Variants in CRYBG1 observed in about 807,000 individuals in gnomAD.
CRYBG1 encodes the protein beta/gamma crystallin domain-containing protein 1.
In CRYBG1, 139 loss-of-function variants were observed where a neutral mutation model predicts 189.2. The observed-to-expected ratio is 0.73, with a 90% CI of 0.64 to 0.85. The LOEUF is 0.85. Ranked by LOEUF, CRYBG1 falls within the 40% of genes least tolerant of loss-of-function variation. The pLI is 0.00. For missense variants in CRYBG1, 2,611 were observed against 2,675.8 expected (o/e 0.98, Z 0.53); for synonymous variants, 1,023 against 1,017.1 (o/e 1.01, Z -0.11).
At chr6:106,524,599 A>G (rs1236235079) in intron 4 of CRYBG1, among the ~76,000 whole-genome samples, 1 of 152,192 alleles carries the variant, frequency 6.6e-6, no homozygotes, top group South Asian at 2.1e-4. Flanking sequence ...ACTATGTGCA[A>G]TGTACATTAT....
chr6:106,402,966 C>T (rs1420484097), intron 1 of CRYBG1, among the ~76,000 whole-genome samples: 1 of 152,146 alleles, frequency 6.6e-6, no homozygotes, highest in African/African-American at 2.4e-5. Flanking sequence ...CTGTTTTGTT[C>T]TCAGGACCGT....
chr6:106,477,369 G>A (rs963900721), intron 2 of CRYBG1, among the ~76,000 whole-genome samples: 10 of 152,290 alleles, frequency 6.6e-5, no homozygotes, highest in Admixed American at 2.6e-4. Context: ...TGGTTCTTAC[G>A]TTTGCTTTGT....
chr6:106,526,666 A>ATTCTGTTGAGAGTAATTTGTTTTTAAAT (rs1773743929), intron 6 of CRYBG1, among the ~76,000 whole-genome samples: 1 of 152,108 alleles, frequency 6.6e-6, no homozygotes, highest in Non-Finnish European at 1.5e-5. Flanking sequence ...AAAAGGCCAG[A>ATTCTGTTGAGAGTAATTTGTTTTTAAAT]CATGGTGGCT....
chr6:106,517,429 T>C (rs1294524850), intron 3 of CRYBG1, among the ~76,000 whole-genome samples: 11 of 108,128 alleles, frequency 1.0e-4, no homozygotes, highest in Non-Finnish European at 1.5e-4. Flanking sequence ...CACATATATA[T>C]ACACACACAC....
Position 106,511,852 on chromosome 6 carries a change from C to T in CRYBG1, c.735C>T (p.Phe245=). 6.6e-7 allele frequency: 1 copy of T among 1,515,134 alleles called. No individual in the cohort carries two copies. The allele number at this position is 1,515,134 out of a possible 1,614,324, so 93.9% of individuals were successfully genotyped here. A position where few individuals can be genotyped will look rare whatever the true frequency, so the allele number is the denominator to read the frequency against. ...LEPLEAEGEP[F]PDATTTAKQL... ...CTCTGGAGGCAGAGGGAGAGCCTTT[C>T]CCAGATGCCACCACCACTGCCAAGC... The change falls in exon 3 of 22, where the codon TTC becomes TTT. Residue 245 remains phenylalanine (F), a synonymous_variant. Coordinates refer to ENST00000633556, the MANE Select transcript of CRYBG1 (RefSeq NM_001371242.2).
intron 20 of CRYBG1, among the ~76,000 whole-genome samples, chr6:106,563,169 G>C (rs1774775393): frequency 6.6e-6 from 1 of 152,208 alleles, no homozygotes; most frequent in Admixed American, 6.5e-5. Context: ...TCACTTCAGG[G>C]AAGGGCTCAT....
intron 21 of CRYBG1, among the ~76,000 whole-genome samples, chr6:106,566,493 ACGGAGTCTC>A (rs1774892971): frequency 1.7e-5 from 1 of 57,290 alleles, no homozygotes; most frequent in Non-Finnish European, 2.9e-5. Flanking sequence ...TTTTTTTGAG[ACGGAGTCTC>A]ACTCTGTCGT....
chr6:106,401,697 G>A (rs1379586176), intron 1 of CRYBG1, among the ~76,000 whole-genome samples: 2 of 116,402 alleles, frequency 1.7e-5, no homozygotes, highest in African/African-American at 3.4e-5. Context: ...GAGAATGATG[G>A]TTTCCAATTT....
At position 106,555,761 on chromosome 6, in the gene CRYBG1, A is replaced by G. The variant is rs1774523387; in HGVS notation, c.5586-7A>G. ...TCTGTGCATGTGTGTGGTTTTTCCC[A>G]TTGTAGCTGGGTTGTATATGATGGA... On this transcript the variant is annotated splice_region_variant and splice_polypyrimidine_tract_variant and intron_variant, in intron 16 of 21. Transcript: ENST00000633556. 1.2e-6 allele frequency: 2 copies of G among 1,613,804 alleles called. No individual in the cohort carries two copies. Among genetic ancestry groups the G allele is most frequent in the African/African-American group, 1.3e-5 (1 of 74,882 alleles).
At chr6:106,421,067 T>C (rs1440629308) in intron 1 of CRYBG1, among the ~76,000 whole-genome samples, 1 of 152,102 alleles carries the variant, frequency 6.6e-6, no homozygotes, top group Non-Finnish European at 1.5e-5. Flanking sequence ...TGTGCTGGAA[T>C]GGGGACAGGA....
chr6:106,567,510 A>T lies in CRYBG1; in HGVS notation c.6302-962A>T, dbSNP rs185707531. On this transcript the variant is annotated intron_variant, in intron 21 of 21. Coordinates refer to ENST00000633556, the MANE Select transcript of CRYBG1 (RefSeq NM_001371242.2). ...TTGTAAATGCTTCAAAGGTGAAAAG[A>T]ATGTTTATTTCTTCTTGATCCAAGG... 7.0e-4 allele frequency among the ~76,000 whole-genome samples: 107 copies of T among 152,316 alleles called. 1 individual carries two copies. The highest frequency in any genetic ancestry group is 2.4e-3 in the African/African-American group (100 of 41,570).
At chr6:106,567,270 C>G (rs1774916530) in intron 21 of CRYBG1, among the ~76,000 whole-genome samples, 2 of 152,010 alleles carry the variant, frequency 1.3e-5, no homozygotes. Context: ...GTAGGGTTTG[C>G]TGGTAGTTTT....
intron 20 of CRYBG1, 47 bp from the exon 21 acceptor site, chr6:106,563,717 T>C: frequency 6.4e-7 from 1 of 1,558,910 alleles, no homozygotes; most frequent in Non-Finnish European, 8.8e-7. Context: ...CTATGAGACT[T>C]ACAGCTGGAT....
chr6:106,375,084 T>C (rs1002312293), intron 1 of CRYBG1, among the ~76,000 whole-genome samples: 1 of 152,116 alleles, frequency 6.6e-6, no homozygotes, highest in Non-Finnish European at 1.5e-5. Context: ...GTATATACCT[T>C]GTTTAAAGAG....
At chr6:106,462,437 G>A (rs1772033875) in intron 2 of CRYBG1, among the ~76,000 whole-genome samples, 1 of 152,208 alleles carries the variant, frequency 6.6e-6, no homozygotes, top group Non-Finnish European at 1.5e-5. Flanking sequence ...GGGATTACAG[G>A]CGTGAGCCAC....
chr6:106,561,213 C>T, intron 19 of CRYBG1, 129 bp from the exon 20 acceptor site: 2 of 1,127,834 alleles, frequency 1.8e-6, no homozygotes, highest in Non-Finnish European at 2.5e-6. Flanking sequence ...TTTAAAACCT[C>T]TGAGACTCTT....
intron 3 of CRYBG1, 105 bp from the exon 4 acceptor site, chr6:106,519,026 A>AT: frequency 8.4e-7 from 1 of 1,197,288 alleles, no homozygotes; most frequent in Non-Finnish European, 1.2e-6. Context: ...CAAATGTTAT[A>AT]TATCAGGGAG....
chr6:106,423,560 A>G (rs1771169239), intron 1 of CRYBG1, among the ~76,000 whole-genome samples: 1 of 152,140 alleles, frequency 6.6e-6, no homozygotes, highest in Admixed American at 6.5e-5. Context: ...CTAGAATGAT[A>G]TAAGTTTGGC....
At position 106,508,961 on chromosome 6, in the gene CRYBG1, T is replaced by C. The variant is rs531839027; in HGVS notation, c.313-2469T>C. ...ATTGTTTTAATGCCTATACTAAGCA[T>C]AGAGAGGACTGCTTGCTGATCAAGC... On this transcript the variant is annotated intron_variant, in intron 2 of 21. Transcript: ENST00000633556. 1.1e-4 allele frequency among the ~76,000 whole-genome samples: 12 copies of C among 111,982 alleles called. No individual in the cohort carries two copies. In the East Asian group the frequency reaches 3.3e-3, roughly 30 times the overall value. 73.5% of individuals were successfully genotyped at this position (111,982 alleles called of 152,430 possible).
Sources: gnomAD v4.1 joint callset for allele counts (sites outside exome capture counted in the v4.1 genomes callset) on GRCh38, gnomAD v4.1.1 for gene constraint, MANE v1.5 for transcripts, NCBI Gene and HGNC (gene_info 2026-07-23, HGNC 2026-07-21) for gene names.